Variants in IPP observed in about 807,000 individuals in gnomAD.
The protein encoded by IPP is intracisternal A particle-promoted polypeptide, also known as actin-binding protein IPP.
A neutral mutation model predicts 64.1 loss-of-function variants in IPP; 41 were observed. That is an observed-to-expected ratio of 0.64 (90% CI 0.50 to 0.83). IPP has a LOEUF of 0.83. Ranked by LOEUF, IPP falls within the 40% of genes least tolerant of loss-of-function variation. The pLI is 0.00. For synonymous variants in IPP, 214 were observed against 235.2 expected (o/e 0.91, Z 0.83); for missense variants, 649 against 703.0 (o/e 0.92, Z 0.87).
chr1:45,701,284 C>CTT (rs139641704), intron 8 of IPP, among the ~76,000 whole-genome samples: 35 of 149,884 alleles, frequency 2.3e-4, no homozygotes, highest in African/African-American at 4.7e-4. Context: ...TAGTGTCTTA[C>CTT]TTTTTTTTTT....
At position 45,746,454 on chromosome 1, in the gene IPP, T is replaced by C; in HGVS notation, c.-43A>G. 1.3e-6 allele frequency: 2 copies of C among 1,492,024 alleles called. No individual in the cohort carries two copies. The highest frequency in any genetic ancestry group is 1.8e-6 in the Non-Finnish European group (2 of 1,093,840). The allele number at this position is 1,492,024 out of a possible 1,614,324, so 92.4% of individuals were successfully genotyped here. A position where few individuals can be genotyped will look rare whatever the true frequency, so the allele number is the denominator to read the frequency against. Reference sequence around the variant, plus strand: ...TAAAAGGACTGTTGCCCATAATCTGTTACTACCCTGAAAAACAAAATACAA... The same window carrying C: ...TAAAAGGACTGTTGCCCATAATCTGCTACTACCCTGAAAAACAAAATACAA... On this transcript the variant is annotated 5_prime_UTR_variant, in exon 2 of 9. Transcript: ENST00000396478.
At chr1:45,738,519 T>C (rs1194077891) in intron 3 of IPP, among the ~76,000 whole-genome samples, 1 of 151,924 alleles carries the variant, frequency 6.6e-6, no homozygotes, top group Non-Finnish European at 1.5e-5. Context: ...GAATCAATAA[T>C]ATATATTAAA....
intron 3 of IPP, among the ~76,000 whole-genome samples, chr1:45,736,625 A>G (rs1645984536): frequency 6.6e-6 from 1 of 152,136 alleles, no homozygotes; most frequent in South Asian, 2.1e-4. Context: ...TGATCGTTGC[A>G]GTATTTTCCT....
downstream of IPP, chr1:45,694,676 A>C: frequency 1.8e-6 from 1 of 560,134 alleles, no homozygotes; most frequent in Non-Finnish European, 3.2e-6. Context: ...GCCACATTCA[A>C]AGGTAAGTTG....
Position 45,700,025 on chromosome 1 carries a change from A to G in IPP, c.1696T>C (p.Trp566Arg). Reference sequence around the variant, plus strand: ...GTGATCATGTTACCAATTTCTGTCCATGTATCTGAATGAGGGTTATAAACT... The same window carrying G: ...GTGATCATGTTACCAATTTCTGTCCGTGTATCTGAATGAGGGTTATAAACT... ...VEVYNPHSDTWTEIGNMITSR... is the reference protein window; with the variant it reads ...VEVYNPHSDTRTEIGNMITSR... Residue 566 changes from tryptophan (W) to arginine (R), a missense_variant, in exon 9 of 9, where the codon TGG becomes CGG. Transcript: ENST00000396478. 1 of 1,614,152 alleles carries G rather than the reference A, an allele frequency of 6.2e-7. No homozygotes were observed. The highest frequency in any genetic ancestry group is 1.6e-4 in the Middle Eastern group (1 of 6,062).
At chr1:45,747,105 T>TGCGCGCGCACACGAGCGCGCGC (rs563728232) in intron 1 of IPP, among the ~76,000 whole-genome samples, 1 of 148,818 alleles carries the variant, frequency 6.7e-6, no homozygotes, top group Non-Finnish European at 1.5e-5. Flanking sequence ...AGTGCGCGCA[T>TGCGCGCGCACACGAGCGCGCGC]GCGCGCGCAC....
chr1:45,744,439 A>T (rs919308657), intron 2 of IPP, among the ~76,000 whole-genome samples: 1 of 152,200 alleles, frequency 6.6e-6, no homozygotes, highest in South Asian at 2.1e-4. Context: ...TCCAGGGTGC[A>T]GCAGCTTGAT....
At chr1:45,721,385 A>G (rs1458875211) in intron 5 of IPP, among the ~76,000 whole-genome samples, 1 of 152,228 alleles carries the variant, frequency 6.6e-6, no homozygotes, top group Non-Finnish European at 1.5e-5. Context: ...AGGCTATGTC[A>G]TCAGCTGCCT....
chr1:45,704,830 G>C (rs954304879), intron 8 of IPP, among the ~76,000 whole-genome samples: 1 of 152,182 alleles, frequency 6.6e-6, no homozygotes, highest in African/African-American at 2.4e-5. Flanking sequence ...GCAACTCTCT[G>C]TAAGACACAC....
At chr1:45,741,926 C>CCTATTTTT (rs1341294608) in intron 2 of IPP, among the ~76,000 whole-genome samples, 1 of 78,060 alleles carries the variant, frequency 1.3e-5, no homozygotes, top group Non-Finnish European at 3.0e-5. Context: ...CCGCGCCCAG[C>CCTATTTTT]CTTATTTTCA....
downstream of IPP, chr1:45,694,661 GGAA>G (rs1447830414): frequency 1.8e-6 from 1 of 567,232 alleles, no homozygotes; most frequent in Non-Finnish European, 3.2e-6. Flanking sequence ...GTGTCATGAG[GGAA>G]AGCCACATTC....
At position 45,719,265 on chromosome 1, in the gene IPP, G is replaced by A. The variant is rs777177646; in HGVS notation, c.1124C>T (p.Ser375Leu). Residue 375 changes from serine (S) to leucine (L), a missense_variant, in exon 6 of 9, where the codon TCG (serine) becomes TTG (leucine). Coordinates refer to ENST00000396478, the MANE Select transcript of IPP (RefSeq NM_005897.3). ...TAAGCCGCAGCGGGGATGATTCATC[G>A]AAGCTACAGTTGTCCACTGTTTAGT... ...PVTKQWTTVA[S>L]MNHPRCGLGV... The A allele has an allele frequency of 1.6e-5, 26 of 1,613,614 alleles. No individual in the cohort carries two copies. The highest frequency in any genetic ancestry group is 2.2e-5 in the East Asian group (1 of 44,854).
intron 5 of IPP, among the ~76,000 whole-genome samples, chr1:45,721,886 T>G (rs1325422575): frequency 6.6e-6 from 1 of 151,932 alleles, no homozygotes; most frequent in Non-Finnish European, 1.5e-5. Flanking sequence ...CTGACCAACA[T>G]GGTGAAACCC....
At chr1:45,702,992 A>G (rs1207764496) in intron 8 of IPP, among the ~76,000 whole-genome samples, 4 of 152,164 alleles carry the variant, frequency 2.6e-5, no homozygotes, top group Non-Finnish European at 4.4e-5. Flanking sequence ...TGCCACTTCA[A>G]CATTGTACTG....
chr1:45,729,027 T>G (rs1645870723), intron 4 of IPP, among the ~76,000 whole-genome samples: 1 of 150,622 alleles, frequency 6.6e-6, no homozygotes, highest in Admixed American at 6.6e-5. Context: ...ATGCCTGTAG[T>G]CCCAGCTACT....
chr1:45,697,236 CTA>C (rs1645394885), downstream of IPP: 1 of 152,084 alleles, frequency 6.6e-6, no homozygotes, highest in Admixed American at 6.6e-5. Context: ...TAGTTGTAGA[CTA>C]AACCAAATAT....
At chr1:45,706,881 C>G (rs998991594) in intron 8 of IPP, among the ~76,000 whole-genome samples, 15 of 152,204 alleles carry the variant, frequency 9.9e-5, no homozygotes, top group Non-Finnish European at 1.5e-4. Context: ...TTTACAATGT[C>G]TACCATCTAA....
chr1:45,728,298 G>A (rs1030477636), intron 4 of IPP, among the ~76,000 whole-genome samples: 3 of 150,160 alleles, frequency 2.0e-5, no homozygotes, highest in African/African-American at 4.9e-5. Flanking sequence ...ACATCCAATC[G>A]GCAAAAAAAT....
chr1:45,696,949 G>A (rs550817191), downstream of IPP: 1 of 152,304 alleles, frequency 6.6e-6, no homozygotes, highest in African/African-American at 2.4e-5. Flanking sequence ...GTCATTTTCA[G>A]TTGCTACTAG....
Sources: gnomAD v4.1 joint callset for allele counts (sites outside exome capture counted in the v4.1 genomes callset) on GRCh38, gnomAD v4.1.1 for gene constraint, MANE v1.5 for transcripts, NCBI Gene and HGNC (gene_info 2026-07-23, HGNC 2026-07-21) for gene names.